The following RYR1 variants were observed in gnomAD, a reference collection of about 807,000 sequenced individuals.
RYR1 encodes the protein central core disease of muscle.
A neutral mutation model predicts 583.5 loss-of-function variants in RYR1; 342 were observed. The observed-to-expected ratio is 0.59, with a 90% CI of 0.54 to 0.64. The LOEUF is 0.64. Among genes scored for constraint, RYR1 ranks in the 30% least tolerant of loss-of-function variants. The pLI is 0.00. For missense variants in RYR1, 6,032 were observed against 6,917.2 expected (o/e 0.87, Z 4.54); for synonymous variants, 2,791 against 2,822.5 (o/e 0.99, Z 0.35).
chr19:38,469,502 C>A lies in RYR1; in HGVS notation c.3754C>A (p.Pro1252Thr). 6.2e-7 allele frequency: 1 copy of A among 1,614,086 alleles called. No individual in the cohort carries two copies. Among genetic ancestry groups the A allele is most frequent in the Non-Finnish European group, 8.5e-7 (1 of 1,180,016 alleles). ...PQFEPVPLEH[P>T]HYEVSRVDGT... ...GTTTGAGCCAGTGCCCCTTGAACACCCTCACTATGAGGTAAGGACTGAGCC... is the reference window on the plus strand; with the variant it reads ...GTTTGAGCCAGTGCCCCTTGAACACACTCACTATGAGGTAAGGACTGAGCC... The change falls in exon 27 of 106, where the codon CCT (proline) becomes ACT (threonine). Residue 1252 changes from proline (P) to threonine (T), a missense_variant. Coordinates refer to ENST00000359596, the MANE Select transcript of RYR1 (RefSeq NM_000540.3).
At chr19:38,503,588 C>G (rs1178247617) in intron 49 of RYR1, among the ~76,000 whole-genome samples, 1 of 152,070 alleles carries the variant, frequency 6.6e-6, no homozygotes, top group African/African-American at 2.4e-5. Context: ...GCCTGGCCAA[C>G]ATGGCGAAAC....
intron 90 of RYR1, among the ~76,000 whole-genome samples, chr19:38,562,701 C>T (rs921690152): frequency 2.6e-5 from 4 of 152,130 alleles, no homozygotes; most frequent in African/African-American, 4.8e-5. Flanking sequence ...CTGCAGGCCC[C>T]TCTCACACTC....
chr19:38,481,441 C>T (rs1276175803), intron 31 of RYR1, among the ~76,000 whole-genome samples: 1 of 152,160 alleles, frequency 6.6e-6, no homozygotes, highest in African/African-American at 2.4e-5. Context: ...CCACCACGCT[C>T]GACCAGGGTC....
chr19:38,563,333 T>G (rs774981991), intron 90 of RYR1, among the ~76,000 whole-genome samples: 10 of 152,238 alleles, frequency 6.6e-5, no homozygotes, highest in South Asian at 2.1e-4. Context: ...TGGCACGATC[T>G]CAGCTCACTC....
At position 38,572,010 on chromosome 19, in the gene RYR1, C is replaced by T; in HGVS notation, c.13747-9C>T. On this transcript the variant is annotated splice_polypyrimidine_tract_variant and intron_variant, in intron 94 of 105. Transcript: ENST00000359596. ...CAGACCCACAGATGAATCTCTGTCC[C>T]CATTTCAGGTCTCAGACTCTCCACC... The T allele has an allele frequency of 6.2e-7, 1 of 1,613,890 alleles. No individual in the cohort carries two copies. The highest frequency in any genetic ancestry group is 8.5e-7 in the Non-Finnish European group (1 of 1,180,034).
At chr19:38,443,378 G>A (rs528751864) in intron 3 of RYR1, among the ~76,000 whole-genome samples, 180 bp from the exon 4 acceptor site, 2 of 152,324 alleles carry the variant, frequency 1.3e-5, no homozygotes, top group South Asian at 2.1e-4. Flanking sequence ...CCCTGCTTCC[G>A]TGAATGGGGA....
intron 34 of RYR1, among the ~76,000 whole-genome samples, chr19:38,486,875 C>A (rs921185164): frequency 6.6e-6 from 1 of 152,162 alleles, no homozygotes; most frequent in South Asian, 2.1e-4. Flanking sequence ...TCAACAAGAT[C>A]TTTCCATCAA....
Position 38,486,134 on chromosome 19 carries a change from C to T in RYR1, c.5479C>T (p.Arg1827Cys), listed in dbSNP as rs746110626. Reference sequence around the variant, plus strand: ...GGTGCGCGACGGTGGGCAGCACGCTCGCGACCCCGTCGGGGGCTCCGTGGA... The same window carrying T: ...GGTGCGCGACGGTGGGCAGCACGCTTGCGACCCCGTCGGGGGCTCCGTGGA... ...EAVRDGGQHA[R>C]DPVGGSVEFQ... Residue 1827 changes from arginine (R) to cysteine (C), a missense_variant, in exon 34 of 106, where the codon CGC becomes TGC. Transcript: ENST00000359596. 1.9e-5 allele frequency: 31 copies of T among 1,613,018 alleles called. No homozygotes were observed. The Admixed American group carries it at 4.0e-4, about 21-fold the overall frequency.
In RYR1 at chr19:38,527,797, G is replaced by A. The variant is rs756468318; in HGVS notation, c.10824+13G>A. The A allele has an allele frequency of 2.1e-5, 34 of 1,613,624 alleles. No homozygotes were observed. In the South Asian group the frequency reaches 3.1e-4, roughly 15 times the overall value. On this transcript the variant is annotated intron_variant, in intron 73 of 105. Transcript: ENST00000359596. ...CTACCTGGACCAGGTGGGTGGGGCC[G>A]GAGGGGTCTTTCTACTGGGTCTCTG...
At chr19:38,531,013 T>A (rs1369599377) in intron 76 of RYR1, among the ~76,000 whole-genome samples, 32 of 144,976 alleles carry the variant, frequency 2.2e-4, no homozygotes, top group Admixed American at 8.9e-4. Context: ...TTTGTATTTT[T>A]AGTAGAGACA....
rs1969477835 is a variant in RYR1 at position 38,489,975 on chromosome 19, T to G, written c.5815-101T>G. ...GGCGGGAAATGATTTTGGCTGGACC[T>G]GGGCAGGGCCATGGAGAGGGGAGAG... is the stretch of plus-strand genomic sequence containing the variant. On this transcript the variant is annotated intron_variant, in intron 35 of 105. Coordinates refer to ENST00000359596, the MANE Select transcript of RYR1 (RefSeq NM_000540.3). 9 of 1,259,952 alleles carry G rather than the reference T, an allele frequency of 7.1e-6. No individual in the cohort carries two copies. The South Asian group carries it at 8.5e-5, about 12-fold the overall frequency. The allele number at this position is 1,259,952 out of a possible 1,614,324, so 78.0% of individuals were successfully genotyped here. A position where few individuals can be genotyped will look rare whatever the true frequency, so the allele number is the denominator to read the frequency against.
At chr19:38,502,416 C>T in intron 47 of RYR1, 91 bp from the exon 48 acceptor site, 1 of 1,260,508 alleles carries the variant, frequency 7.9e-7, no homozygotes, top group Non-Finnish European at 1.1e-6. Flanking sequence ...TCATCAGAAG[C>T]TTGGATCCTT....
At chr19:38,585,826 T>C in intron 102 of RYR1, 112 bp from the exon 103 acceptor site, 5 of 1,256,170 alleles carry the variant, frequency 4.0e-6, no homozygotes, top group Non-Finnish European at 5.8e-6. Flanking sequence ...AGATTAGGGG[T>C]GAGATTAGGG....
chr19:38,500,473 C>T lies in RYR1; in HGVS notation c.7324-133C>T, dbSNP rs528182894. 9 of 1,334,366 alleles carry T rather than the reference C, an allele frequency of 6.7e-6. No homozygotes were observed. In the African/African-American group the frequency reaches 1.0e-4, roughly 15 times the overall value. 82.7% of individuals were successfully genotyped at this position (1,334,366 alleles called of 1,614,324 possible). Reference sequence around the variant, plus strand: ...GGGGGCACAGGCAGAGGAACGAGGGCTGGAAACTCTAGACAGCCTCCTGAG... The same window carrying T: ...GGGGGCACAGGCAGAGGAACGAGGGTTGGAAACTCTAGACAGCCTCCTGAG... On this transcript the variant is annotated intron_variant, in intron 45 of 105. Transcript: ENST00000359596. This position sits in a 1 kb window ranked among gnomAD's most constrained non-coding sequence, Gnocchi z 5.9.
intron 16 of RYR1, 127 bp from the exon 17 acceptor site, chr19:38,457,370 A>G (rs992008567): frequency 2.3e-6 from 3 of 1,321,806 alleles, no homozygotes; most frequent in Admixed American, 1.7e-5. Flanking sequence ...ACCTCCTCTC[A>G]GTCAAAATTG....
At chr19:38,583,854 C>T (rs1049907499) in intron 101 of RYR1, among the ~76,000 whole-genome samples, 1 of 152,084 alleles carries the variant, frequency 6.6e-6, no homozygotes, top group Non-Finnish European at 1.5e-5. Flanking sequence ...CCCTTGACCG[C>T]GGGCTGGGCC....
intron 35 of RYR1, among the ~76,000 whole-genome samples, chr19:38,489,814 G>T (rs550575603): frequency 5.3e-5 from 8 of 152,258 alleles, no homozygotes; most frequent in African/African-American, 1.9e-4. Flanking sequence ...ATTTTTAGTA[G>T]AGATGGGGTT....
rs547709889 is a variant in RYR1, at chr19:38,565,852, C to G, written c.13437+81C>G. 7.5e-5 allele frequency: 100 copies of G among 1,329,752 alleles called. 1 individual carries two copies. The South Asian group carries it at 1.9e-3, about 25-fold the overall frequency. The allele number at this position is 1,329,752 out of a possible 1,614,324, so 82.4% of individuals were successfully genotyped here. On this transcript the variant is annotated intron_variant, in intron 91 of 105. Coordinates refer to ENST00000359596, the MANE Select transcript of RYR1 (RefSeq NM_000540.3). This position sits in a 1 kb window ranked among gnomAD's most constrained non-coding sequence, Gnocchi z 4.7. The stretch of plus-strand genomic sequence containing the variant: ...AAGAGAGCCCGGCTGGGTGGAGACA[C>G]ACACAGAGGAGAGAACTGGCTAGGG...
Position 38,444,724 on chromosome 19 carries a change from A to G in RYR1, c.631+47A>G. 1 of 1,380,372 alleles carries G rather than the reference A, an allele frequency of 7.2e-7. No individual in the cohort carries two copies. Among genetic ancestry groups the G allele is most frequent in the South Asian group, 1.2e-5 (1 of 84,288 alleles). The allele number at this position is 1,380,372 out of a possible 1,614,324, so 85.5% of individuals were successfully genotyped here. A position where few individuals can be genotyped will look rare whatever the true frequency, so the allele number is the denominator to read the frequency against. On this transcript the variant is annotated intron_variant, in intron 7 of 105. Coordinates refer to ENST00000359596, the MANE Select transcript of RYR1 (RefSeq NM_000540.3). The surrounding 1 kb of genome is among the most constrained non-coding windows in gnomAD (Gnocchi z 5.1). Reference sequence around the variant, plus strand: ...CTAAATGGAGATCCCCCCAAAACAGACCCTTAATGTTGCCCTTCAGGCATA... The same window carrying G: ...CTAAATGGAGATCCCCCCAAAACAGGCCCTTAATGTTGCCCTTCAGGCATA...
Sources: allele counts gnomAD v4.1 joint callset (sites outside exome capture counted in the v4.1 genomes callset), GRCh38; gene constraint gnomAD v4.1.1; non-coding constraint Gnocchi (gnomAD v3.1); transcripts MANE v1.5; gene names NCBI Gene and HGNC (gene_info 2026-07-23, HGNC 2026-07-21).